The following AFF3 variants were observed in gnomAD, a reference collection of about 807,000 sequenced individuals.
AFF3 encodes AF4/FMR2 family member 3.
Under a neutral mutation model 129.7 loss-of-function variants are expected in AFF3, and 32 were observed. That is an observed-to-expected ratio of 0.25 (90% CI 0.19 to 0.33). AFF3 has a LOEUF of 0.33. Among genes scored for constraint, AFF3 ranks in the 10% least tolerant of loss-of-function variants. AFF3 has a pLI of 1.00. For missense variants in AFF3, 1,373 were observed against 1,592.0 expected, an observed-to-expected ratio of 0.86 and a Z score of 2.34; for synonymous variants, 644 against 635.4, an observed-to-expected ratio of 1.01 and a Z score of -0.20.
At chr2:99,740,910 T>C (rs1680668975) in intron 10 of AFF3, among the ~76,000 whole-genome samples, 1 of 152,240 alleles carries the variant, frequency 6.6e-6, no homozygotes, top group Non-Finnish European at 1.5e-5. Context: ...GCCTAGGTTT[T>C]CTTCTAGGGT....
intron 11 of AFF3, among the ~76,000 whole-genome samples, chr2:99,717,370 T>C (rs1678492195): frequency 6.6e-6 from 1 of 152,224 alleles, no homozygotes; most frequent in African/African-American, 2.4e-5. Flanking sequence ...AATTGCTCCA[T>C]ACACTTACCA....
intron 13 of AFF3, among the ~76,000 whole-genome samples, chr2:99,607,527 G>T (rs1179951492): frequency 1.3e-5 from 2 of 149,840 alleles, no homozygotes; most frequent in African/African-American, 4.9e-5. Context: ...GTGAGACTCT[G>T]TCTCAAAAAA....
At chr2:99,693,733 C>T (rs532139375) in intron 11 of AFF3, among the ~76,000 whole-genome samples, 1 of 152,016 alleles carries the variant, frequency 6.6e-6, no homozygotes, top group African/African-American at 2.4e-5. Flanking sequence ...TCATTAAAAT[C>T]TTTTTTAAGG....
At chr2:100,127,488 T>C (rs1432501587) in intron 2 of AFF3, among the ~76,000 whole-genome samples, 1 of 152,228 alleles carries the variant, frequency 6.6e-6, no homozygotes, top group Non-Finnish European at 1.5e-5. Context: ...TGGGGTCTTC[T>C]GGTTCCTTGC....
intron 7 of AFF3, among the ~76,000 whole-genome samples, chr2:99,899,480 A>C (rs1269489758): frequency 6.6e-6 from 1 of 152,226 alleles, no homozygotes; most frequent in East Asian, 1.9e-4. Flanking sequence ...TAAAGGGATA[A>C]ATAAACTGCT....
chr2:99,792,319 A>G (rs1394995186), intron 8 of AFF3, among the ~76,000 whole-genome samples: 1 of 152,130 alleles, frequency 6.6e-6, no homozygotes, highest in Non-Finnish European at 1.5e-5. Context: ...ATATAAAAAA[A>G]TTAGCTGGGC....
intron 7 of AFF3, among the ~76,000 whole-genome samples, chr2:99,926,941 A>G (rs976349671): frequency 6.6e-6 from 1 of 152,164 alleles, no homozygotes; most frequent in African/African-American, 2.4e-5. Context: ...GTGCGGCATC[A>G]CAGCCAAGTG....
At chr2:99,662,055 G>A (rs554486947) in intron 12 of AFF3, among the ~76,000 whole-genome samples, 160 of 152,054 alleles carry the variant, frequency 1.1e-3, no homozygotes, top group Non-Finnish European at 1.9e-3. Flanking sequence ...CAGGAGAATC[G>A]CTTGAACCCG....
At chr2:100,060,985 T>G (rs1430804218) in intron 4 of AFF3, among the ~76,000 whole-genome samples, 1 of 152,208 alleles carries the variant, frequency 6.6e-6, no homozygotes, top group African/African-American at 2.4e-5. Context: ...AGGCATTTGG[T>G]AAAATATCCC....
rs70940193 is a variant in AFF3 at position 100,030,066 on chromosome 2, AAATAATAATAATAAT to A, written c.54-21149_54-21135del. On this transcript the variant is annotated intron_variant, in intron 4 of 24. Coordinates refer to ENST00000672756, the MANE Select transcript of AFF3 (RefSeq NM_001386135.1). ...TGGGCGAGAGAGCAAGACTGTCTCA[AAATAATAATAATAAT>A]AATAATAATAATAATAATGATAAGA... is the stretch of plus-strand genomic sequence containing the variant. Among the ~76,000 whole-genome samples, 472 of 147,840 alleles carry A rather than the reference AAATAATAATAATAAT, an allele frequency of 3.2e-3. 2 individuals are homozygous for A. Among genetic ancestry groups the A allele is most frequent in the African/African-American group, 0.011 (445 of 40,106 alleles).
chr2:99,692,061 G>A (rs1449914378), intron 11 of AFF3, among the ~76,000 whole-genome samples: 3 of 152,152 alleles, frequency 2.0e-5, no homozygotes, highest in Non-Finnish European at 2.9e-5. Flanking sequence ...CTGGTGCTCA[G>A]CCTCTGGAGC....
chr2:99,745,094 C>T (rs1239168361), intron 9 of AFF3, among the ~76,000 whole-genome samples: 4 of 152,158 alleles, frequency 2.6e-5, no homozygotes, highest in African/African-American at 9.7e-5. Flanking sequence ...AGTGGTATCT[C>T]ACTGCAGTTT....
chr2:99,885,132 C>T (rs552420276), intron 7 of AFF3, among the ~76,000 whole-genome samples: 56 of 152,312 alleles, frequency 3.7e-4, no homozygotes, highest in African/African-American at 1.3e-3. Flanking sequence ...GCAGCCCTGC[C>T]CTCAGCCTTC....
chr2:100,055,122 A>G (rs1186547894), intron 4 of AFF3, among the ~76,000 whole-genome samples: 1 of 152,118 alleles, frequency 6.6e-6, no homozygotes, highest in African/African-American at 2.4e-5. Context: ...GTTAACCCTT[A>G]ACTCATTTTC....
chr2:99,955,782 C>A (rs949466137), intron 7 of AFF3, among the ~76,000 whole-genome samples: 3 of 152,190 alleles, frequency 2.0e-5, no homozygotes, highest in African/African-American at 7.2e-5. Flanking sequence ...TCCATGAAAT[C>A]ATTCCAGTGT....
intron 7 of AFF3, among the ~76,000 whole-genome samples, chr2:99,959,491 A>G (rs749363708): frequency 3.3e-5 from 5 of 151,706 alleles, no homozygotes; most frequent in East Asian, 3.9e-4. Context: ...CATCTAACAC[A>G]TATTTCCAAG....
intron 13 of AFF3, among the ~76,000 whole-genome samples, chr2:99,603,551 C>T (rs2105104871): frequency 6.6e-6 from 1 of 152,246 alleles, no homozygotes; most frequent in East Asian, 1.9e-4. Context: ...TAGGCAATAC[C>T]ATTCAGGACA....
intron 13 of AFF3, among the ~76,000 whole-genome samples, chr2:99,610,472 G>A (rs1485559043): frequency 6.6e-6 from 1 of 152,140 alleles, no homozygotes; most frequent in Non-Finnish European, 1.5e-5. Context: ...TCGACACAAT[G>A]TCATGAGAGC....
chr2:100,128,542 ACT>A (rs1692294615), intron 2 of AFF3, among the ~76,000 whole-genome samples: 1 of 152,124 alleles, frequency 6.6e-6, no homozygotes, highest in Admixed American at 6.6e-5. Context: ...GCCTCTTCAA[ACT>A]CATGCCACTG....
Sources: allele counts gnomAD v4.1 joint callset (sites outside exome capture counted in the v4.1 genomes callset), GRCh38; gene constraint gnomAD v4.1.1; transcripts MANE v1.5; gene names NCBI Gene and HGNC (gene_info 2026-07-23, HGNC 2026-07-21).